FER: variants seen among roughly 807,000 people sequenced by gnomAD.
FER encodes the protein FER tyrosine kinase.
A neutral mutation model predicts 111.0 loss-of-function variants in FER; 63 were observed. The ratio of observed to expected loss-of-function variants is 0.57; its 90% CI spans 0.46 to 0.70. FER has a LOEUF of 0.70. Ranked by LOEUF, FER falls within the 30% of genes least tolerant of loss-of-function variation. The pLI is 0.00. For missense variants in FER, 914 were observed against 954.0 expected, an observed-to-expected ratio of 0.96 and a Z score of 0.55; for synonymous variants, 327 against 313.9, an observed-to-expected ratio of 1.04 and a Z score of -0.44.
At chr5:109,139,668 C>G (rs1031543836) in intron 17 of FER, among the ~76,000 whole-genome samples, 13 of 151,748 alleles carry the variant, frequency 8.6e-5, no homozygotes, top group African/African-American at 3.1e-4. Flanking sequence ...TTACTATATC[C>G]CCTGTTATGA....
intron 9 of FER, among the ~76,000 whole-genome samples, chr5:108,894,838 C>T (rs142909804): frequency 5.8e-4 from 89 of 152,162 alleles, no homozygotes; most frequent in African/African-American, 2.0e-3. Flanking sequence ...ATGAGACTCA[C>T]GTACTGCCGC....
intron 17 of FER, among the ~76,000 whole-genome samples, chr5:109,145,050 A>C (rs1298832030): frequency 9.2e-5 from 14 of 151,424 alleles, no homozygotes; most frequent in Admixed American, 9.2e-4. Context: ...TTTTTTTATG[A>C]AAATGTAGTT....
chr5:108,790,235 C>CACA (rs113538613), intron 2 of FER, among the ~76,000 whole-genome samples: 5 of 145,202 alleles, frequency 3.4e-5, no homozygotes, highest in African/African-American at 1.0e-4. Flanking sequence ...TGCATACACA[C>CACA]CACACACACA....
intron 17 of FER, among the ~76,000 whole-genome samples, chr5:109,175,894 G>A (rs1053541033): frequency 6.6e-6 from 1 of 152,176 alleles, no homozygotes; most frequent in Admixed American, 6.5e-5. Context: ...TGGGAGAATC[G>A]CATGAACGTG....
intron 17 of FER, among the ~76,000 whole-genome samples, chr5:109,112,174 CAT>C (rs1749701449): frequency 6.6e-6 from 1 of 151,628 alleles, no homozygotes; most frequent in South Asian, 2.1e-4. Context: ...TAAAATAAGA[CAT>C]AGATAAGTTT....
At chr5:109,172,996 C>T (rs759667814) in intron 17 of FER, among the ~76,000 whole-genome samples, 2 of 152,166 alleles carry the variant, frequency 1.3e-5, no homozygotes, top group African/African-American at 2.4e-5. Flanking sequence ...AGCTTTATCA[C>T]TATATGTTTG....
chr5:109,091,095 C>G (rs1778118166), intron 16 of FER, among the ~76,000 whole-genome samples: 1 of 152,120 alleles, frequency 6.6e-6, no homozygotes, highest in African/African-American at 2.4e-5. Context: ...GTGGTTGAAC[C>G]AATTTAATAA....
chr5:108,900,403 A>G (rs1455502787), intron 10 of FER, among the ~76,000 whole-genome samples: 1 of 152,316 alleles, frequency 6.6e-6, no homozygotes, highest in Non-Finnish European at 1.5e-5. Context: ...TTGTCCCCAA[A>G]TGACTGTTTA....
intron 8 of FER, among the ~76,000 whole-genome samples, chr5:108,873,261 A>G (rs1290448282): frequency 6.6e-6 from 1 of 152,100 alleles, no homozygotes; most frequent in Non-Finnish European, 1.5e-5. Flanking sequence ...CTCATGCCTC[A>G]GCCTCCTGAG....
At chr5:108,815,744 C>T (rs1260287819) in intron 3 of FER, among the ~76,000 whole-genome samples, 2 of 152,004 alleles carry the variant, frequency 1.3e-5, no homozygotes, top group African/African-American at 4.8e-5. Context: ...ACATATACCA[C>T]ATAGGAATAA....
chr5:109,067,515 A>G (rs947505868), intron 16 of FER, among the ~76,000 whole-genome samples: 1 of 152,024 alleles, frequency 6.6e-6, no homozygotes. Flanking sequence ...GATAGCTTAT[A>G]CACTGTTCTG....
intron 10 of FER, among the ~76,000 whole-genome samples, chr5:108,938,112 G>A (rs1334539416): frequency 2.0e-5 from 3 of 150,988 alleles, no homozygotes; most frequent in African/African-American, 7.3e-5. Context: ...CATTTGAGAA[G>A]GGATGGTTGA....
intron 14 of FER, among the ~76,000 whole-genome samples, chr5:109,040,599 T>C (rs1771029763): frequency 6.6e-6 from 1 of 152,096 alleles, no homozygotes; most frequent in Non-Finnish European, 1.5e-5. Flanking sequence ...TGGAATGGAT[T>C]TGAGAGGAAC....
rs1759242036 is a variant in FER at position 109,189,708 on chromosome 5, A to AAAAC, written c.*2135_*2138dup. 1 of 152,146 alleles carries AAAAC rather than the reference A, an allele frequency of 6.6e-6. No homozygotes were observed. Among genetic ancestry groups the AAAAC allele is most frequent in the Non-Finnish European group, 1.5e-5 (1 of 68,024 alleles). The allele number at this position is 152,146 out of a possible 1,614,324, so 9.4% of individuals were successfully genotyped here. A position where few individuals can be genotyped will look rare whatever the true frequency, so the allele number is the denominator to read the frequency against. ...TGTAATATTCTTTGTCTGTTTAAAG[A>AAAAC]AAACAGCCTCCCATCTCATAGTGGC... On this transcript the variant is annotated 3_prime_UTR_variant, in exon 20 of 20. Coordinates refer to ENST00000281092, the MANE Select transcript of FER (RefSeq NM_005246.4).
At chr5:109,176,065 G>A (rs1472685677) in intron 17 of FER, among the ~76,000 whole-genome samples, 1 of 152,062 alleles carries the variant, frequency 6.6e-6, no homozygotes, top group Non-Finnish European at 1.5e-5. Flanking sequence ...TGGTGAGAAT[G>A]TAAATTAATA....
intron 10 of FER, among the ~76,000 whole-genome samples, chr5:108,928,293 G>T (rs1581237930): frequency 6.6e-6 from 1 of 150,884 alleles, no homozygotes; most frequent in East Asian, 1.9e-4. Flanking sequence ...TATTTTGAAG[G>T]CCTGGTACTT....
chr5:108,762,258 G>A (rs549814527), intron 1 of FER, among the ~76,000 whole-genome samples: 1 of 152,214 alleles, frequency 6.6e-6, no homozygotes, highest in Admixed American at 6.5e-5. Context: ...TTTGTAAATG[G>A]CAGCTCCATC....
chr5:108,749,258 G>A (rs2149894002), intron 1 of FER, among the ~76,000 whole-genome samples: 1 of 152,258 alleles, frequency 6.6e-6, no homozygotes, highest in Middle Eastern at 3.4e-3. Flanking sequence ...TTGGGGCTTG[G>A]GCCGGGCTAC....
At chr5:109,104,310 T>G (rs1280746130) in intron 17 of FER, among the ~76,000 whole-genome samples, 1 of 152,180 alleles carries the variant, frequency 6.6e-6, no homozygotes, top group South Asian at 2.1e-4. Flanking sequence ...GACTACTCTA[T>G]GCCAGGGGCT....
Sources: allele counts gnomAD v4.1 joint callset (sites outside exome capture counted in the v4.1 genomes callset), GRCh38; gene constraint gnomAD v4.1.1; transcripts MANE v1.5; gene names NCBI Gene and HGNC (gene_info 2026-07-23, HGNC 2026-07-21).